Variants in ITGB8 observed in about 807,000 individuals in gnomAD.
ITGB8 encodes integrin beta-8.
A neutral mutation model predicts 89.5 loss-of-function variants in ITGB8; 30 were observed. The ratio of observed to expected loss-of-function variants is 0.34; its 90% CI spans 0.25 to 0.45. ITGB8 has a LOEUF of 0.45. Ranked by LOEUF, ITGB8 falls within the 20% of genes least tolerant of loss-of-function variation. The pLI is 1.00. For missense variants in ITGB8, 836 were observed against 933.3 expected (o/e 0.90, Z 1.36); for synonymous variants, 335 against 320.4 (o/e 1.05, Z -0.49).
chr7:20,406,947 A>T (rs114191169), intron 12 of ITGB8, among the ~76,000 whole-genome samples: 1,562 of 152,256 alleles, frequency 0.01, 34 homozygotes, highest in African/African-American at 0.035. Flanking sequence ...ATTTTGTAAA[A>T]GCAGATCATC....
rs1055272589 is a variant in ITGB8, at chr7:20,349,041, T to C, written c.128-14596T>C. ...ACCACTTCTACTGTGATATATTTTT[T>C]CAAATTTCTACCGATGATATTAAAC... On this transcript the variant is annotated intron_variant, in intron 1 of 13. Transcript: ENST00000222573. Among the ~76,000 whole-genome samples, 12 of 152,320 alleles carry C rather than the reference T, an allele frequency of 7.9e-5. 1 individual carries two copies. The highest frequency in any genetic ancestry group is 3.4e-3 in the Middle Eastern group (1 of 294).
At chr7:20,369,946 T>C (rs1268947040) in intron 3 of ITGB8, among the ~76,000 whole-genome samples, 1 of 152,052 alleles carries the variant, frequency 6.6e-6, no homozygotes, top group Non-Finnish European at 1.5e-5. Flanking sequence ...TTGATGATGT[T>C]GTTACAAAAA....
At chr7:20,375,438 C>T (rs1583506544) in intron 3 of ITGB8, among the ~76,000 whole-genome samples, 1 of 151,202 alleles carries the variant, frequency 6.6e-6, no homozygotes, top group South Asian at 2.1e-4. Context: ...TAAACACACA[C>T]CCAAATAGAT....
At chr7:20,369,443 G>C (rs1785841254) in intron 3 of ITGB8, among the ~76,000 whole-genome samples, 1 of 152,122 alleles carries the variant, frequency 6.6e-6, no homozygotes, top group Admixed American at 6.6e-5. Flanking sequence ...TCAAGAGAGA[G>C]AACACACATG....
intron 3 of ITGB8, among the ~76,000 whole-genome samples, chr7:20,367,991 T>C (rs1019582900): frequency 1.2e-4 from 18 of 152,204 alleles, no homozygotes; most frequent in African/African-American, 4.3e-4. Context: ...TTGTATCCAA[T>C]CCTTCATCAT....
chr7:20,341,303 G>C (rs1220703544), intron 1 of ITGB8, among the ~76,000 whole-genome samples: 1 of 152,088 alleles, frequency 6.6e-6, no homozygotes, highest in Non-Finnish European at 1.5e-5. Context: ...AATTCATCTA[G>C]ACAGTGGCAA....
chr7:20,361,743 C>A (rs1208859260), intron 1 of ITGB8, among the ~76,000 whole-genome samples: 1 of 152,180 alleles, frequency 6.6e-6, no homozygotes, highest in Non-Finnish European at 1.5e-5. Context: ...CTTTTCTGAA[C>A]ATTTTAGTAG....
chr7:20,382,426 T>C (rs999280737), intron 6 of ITGB8, among the ~76,000 whole-genome samples: 18 of 152,244 alleles, frequency 1.2e-4, no homozygotes, highest in African/African-American at 4.3e-4. Context: ...GCTTGCTTCC[T>C]GAGGGTTAGT....
intron 1 of ITGB8, among the ~76,000 whole-genome samples, chr7:20,343,130 C>G (rs574025739): frequency 6.6e-6 from 1 of 152,268 alleles, no homozygotes; most frequent in East Asian, 1.9e-4. Flanking sequence ...AAGTAGGAAA[C>G]AGAGGGGCTC....
At chr7:20,336,337 G>C (rs1340969929) in intron 1 of ITGB8, among the ~76,000 whole-genome samples, 2 of 152,120 alleles carry the variant, frequency 1.3e-5, no homozygotes, top group Middle Eastern at 3.2e-3. Context: ...TTTCCACATT[G>C]ACACCTCCAG....
Position 20,407,248 on chromosome 7 carries a change from A to G in ITGB8, c.2023+1077A>G, listed in dbSNP as rs552795984. 3.9e-5 allele frequency among the ~76,000 whole-genome samples: 6 copies of G among 152,102 alleles called. No individual in the cohort carries two copies. The South Asian group carries it at 6.2e-4, about 16-fold the overall frequency. On this transcript the variant is annotated intron_variant, in intron 12 of 13. Coordinates refer to ENST00000222573, the MANE Select transcript of ITGB8 (RefSeq NM_002214.3). ...CAGCCACACCATAGCAAGCATACTC[A>G]TCTCTGGGAGATTTAAAAAACTGAA...
At chr7:20,364,052 CT>C (rs553760175) in intron 2 of ITGB8, among the ~76,000 whole-genome samples, 21 of 152,284 alleles carry the variant, frequency 1.4e-4, no homozygotes, top group East Asian at 7.7e-4. Context: ...CTTGCTTCAG[CT>C]TGAGGCATTA....
At chr7:20,347,093 C>T (rs1784951285) in intron 1 of ITGB8, among the ~76,000 whole-genome samples, 1 of 152,160 alleles carries the variant, frequency 6.6e-6, no homozygotes, top group Non-Finnish European at 1.5e-5. Flanking sequence ...GAAGGTGCCA[C>T]CTATGAGGAA....
At chr7:20,359,155 T>C (rs1179505688) in intron 1 of ITGB8, among the ~76,000 whole-genome samples, 1 of 152,188 alleles carries the variant, frequency 6.6e-6, no homozygotes, top group Non-Finnish European at 1.5e-5. Flanking sequence ...CTATCGTGGA[T>C]AGCACTAAGG....
At chr7:20,386,405 A>ATTTTTTTTTTTTTTTT (rs759304002) in intron 6 of ITGB8, among the ~76,000 whole-genome samples, 1 of 80,370 alleles carries the variant, frequency 1.2e-5, no homozygotes, top group Non-Finnish European at 2.2e-5. Context: ...CACCTGGCTA[A>ATTTTTTTTTTTTTTTT]TTTTTTTTTT....
At chr7:20,364,692 C>A (rs1354868793) in intron 2 of ITGB8, 2 of 152,242 alleles carry the variant, frequency 1.3e-5, no homozygotes, top group Admixed American at 6.5e-5. Flanking sequence ...TGAAGCCAGG[C>A]ATGTCATAGA....
chr7:20,360,592 T>A (rs1785462446), intron 1 of ITGB8, among the ~76,000 whole-genome samples: 1 of 152,146 alleles, frequency 6.6e-6, no homozygotes. Flanking sequence ...AAGTAACACG[T>A]ACTGTTTGGT....
At chr7:20,346,660 G>A (rs1313142749) in intron 1 of ITGB8, 23 of 982,214 alleles carry the variant, frequency 2.3e-5, no homozygotes, top group South Asian at 4.7e-5. Context: ...ACTCTACCCC[G>A]TTTCCTGCCA....
At chr7:20,345,223 T>C (rs114671555) in intron 1 of ITGB8, among the ~76,000 whole-genome samples, 1,538 of 152,298 alleles carry the variant, frequency 0.01, 27 homozygotes, top group African/African-American at 0.035. Flanking sequence ...ATTGACATTG[T>C]AATCCAATAA....
Sources: gnomAD v4.1 joint callset for allele counts (sites outside exome capture counted in the v4.1 genomes callset) on GRCh38, gnomAD v4.1.1 for gene constraint, MANE v1.5 for transcripts, NCBI Gene and HGNC (gene_info 2026-07-23, HGNC 2026-07-21) for gene names.